Variants in MICB observed in about 807,000 individuals in gnomAD.
MICB encodes MHC class I polypeptide-related sequence B, also known as MHC class I antigen-related protein B.
MICB carries 27 observed loss-of-function variants against 34.3 expected under a neutral mutation model. The ratio of observed to expected loss-of-function variants is 0.79; its 90% CI spans 0.58 to 1.08. The LOEUF (loss-of-function observed/expected upper bound fraction) is 1.08. MICB is among the 50% of genes least tolerant of loss of function. The pLI is 0.00. For synonymous variants in MICB, 153 were observed against 187.4 expected (o/e 0.82, Z 1.50); for missense variants, 426 against 483.1 (o/e 0.88, Z 1.11).
At position 31,507,600 on chromosome 6, in the gene MICB, C is replaced by A; in HGVS notation, c.1024+69C>A. On this transcript the variant is annotated intron_variant, in intron 5 of 5. Transcript: ENST00000252229. The surrounding 1 kb of genome is among the most constrained non-coding windows in gnomAD (Gnocchi z 6.0). ...TAGGCAGTAGGGTCTCCTCATTGCTCCTGCCCAGACAAGACGTAGGTGACA... is the reference window on the plus strand; with the variant it reads ...TAGGCAGTAGGGTCTCCTCATTGCTACTGCCCAGACAAGACGTAGGTGACA... 6.3e-7 allele frequency: 1 copy of A among 1,583,354 alleles called. No homozygotes were observed. Among genetic ancestry groups the A allele is most frequent in the Non-Finnish European group, 8.6e-7 (1 of 1,156,662 alleles).
At chr6:31,506,471 T>G (rs1222144584) in intron 3 of MICB, 41 bp downstream of exon 3, 1 of 1,592,314 alleles carries the variant, frequency 6.3e-7, no homozygotes, top group East Asian at 2.2e-5. Context: ...CCCGCAATTC[T>G]GCTAGAGTTG....
chr6:31,500,470 CT>C (rs1764960721), intron 1 of MICB, among the ~76,000 whole-genome samples: 1 of 152,146 alleles, frequency 6.6e-6, no homozygotes, highest in Non-Finnish European at 1.5e-5. Flanking sequence ...CCATTATGCT[CT>C]TTCAGTTATT....
intron 1 of MICB, among the ~76,000 whole-genome samples, chr6:31,501,740 G>T (rs1765028114): frequency 6.6e-6 from 1 of 152,134 alleles, no homozygotes; most frequent in African/African-American, 2.4e-5. Flanking sequence ...TAACTTCACT[G>T]TAGATATATG....
chr6:31,497,804 G>A (rs1401369376), upstream of MICB, among the ~76,000 whole-genome samples: 1 of 152,170 alleles, frequency 6.6e-6, no homozygotes, highest in Admixed American at 6.5e-5. Context: ...GGTGAAGCCC[G>A]CGCTCCTTGG....
chr6:31,498,230 G>A lies in MICB; in HGVS notation c.37G>A (p.Ala13Thr). ...CCGGGTCCTGCTGTTTCTGGCCGTC[G>A]CCTTCCCTTTTGCACCCCCGGCAGC... is the stretch of plus-strand genomic sequence containing the variant. ...LGRVLLFLAV[A>T]FPFAPPAAAA... The change falls in exon 1 of 6, where the codon GCC (alanine) becomes ACC (threonine). Residue 13 changes from alanine to threonine, a missense_variant. Coordinates refer to ENST00000252229, the MANE Select transcript of MICB (RefSeq NM_005931.5). 1 of 1,583,866 alleles carries A rather than the reference G, an allele frequency of 6.3e-7. No individual in the cohort carries two copies. Among genetic ancestry groups the A allele is most frequent in the Admixed American group, 1.7e-5 (1 of 58,744 alleles).
chr6:31,497,950 C>T, upstream of MICB: 2 of 313,788 alleles, frequency 6.4e-6, no homozygotes, highest in Non-Finnish European at 1.2e-5. Context: ...GCACGCTCCC[C>T]CTTTTCTGGC....
At chr6:31,505,085 A>T (rs3131640) in intron 1 of MICB, among the ~76,000 whole-genome samples, 104,457 of 149,342 alleles carry the variant, frequency 0.7, 36,517 homozygotes, top group African/African-American at 0.79. Flanking sequence ...TATAAACTTC[A>T]CTGGGGCTAC....
In MICB at chr6:31,506,160, G is replaced by A. The variant is rs772960164; in HGVS notation, c.343G>A (p.Glu115Lys). Residue 115 changes from glutamate (E) to lysine (K), a missense_variant, in exon 3 of 6, where the codon GAG (glutamate) becomes AAG (lysine). Physicochemically the swap from Glu to Lys is moderately conservative, Grantham distance 56 (BLOSUM62 1). Transcript: ENST00000252229. The part of the protein sequence containing the change: ...DQKGGLHSLQ[E>K]IRVCEIHEDS... ...GGGGGCAGGCTTGCATTCCCTCCAG[G>A]AGATTAGGGTCTGTGAGATCCATGA... 1 of 1,613,668 alleles carries A rather than the reference G, an allele frequency of 6.2e-7. No individual in the cohort carries two copies. Among genetic ancestry groups the A allele is most frequent in the African/African-American group, 1.3e-5 (1 of 74,882 alleles).
chr6:31,504,818 T>C (rs1350607948), intron 1 of MICB, among the ~76,000 whole-genome samples: 2 of 152,198 alleles, frequency 1.3e-5, no homozygotes, highest in African/African-American at 4.8e-5. Flanking sequence ...GAGTTTAGAG[T>C]TTAGGTCTTT....
Position 31,509,888 on chromosome 6 carries a change from T to A in MICB, c.1131T>A (p.Thr377=). 6.2e-7 allele frequency: 1 copy of A among 1,612,706 alleles called. No individual in the cohort carries two copies. The highest frequency in any genetic ancestry group is 8.5e-7 in the Non-Finnish European group (1 of 1,179,136). ...CTCTGATGTCAGCTACTGGGTCCAC[T>A]GGTTCCACTGAGGGCACCTAGACTC... ...FQPLMSATGS[T]GSTEGT is the part of the protein sequence containing the mutation. The change falls in exon 6 of 6, where the codon ACT becomes ACA. Residue 377 remains threonine, a synonymous_variant. Coordinates refer to ENST00000252229, the MANE Select transcript of MICB (RefSeq NM_005931.5).
At position 31,507,597 on chromosome 6, in the gene MICB, G is replaced by T. The variant is rs568721471; in HGVS notation, c.1024+66G>T. On this transcript the variant is annotated intron_variant, in intron 5 of 5. Coordinates refer to ENST00000252229, the MANE Select transcript of MICB (RefSeq NM_005931.5). This position sits in a 1 kb window ranked among gnomAD's most constrained non-coding sequence, Gnocchi z 6.0. The stretch of plus-strand genomic sequence containing the variant: ...TTCTAGGCAGTAGGGTCTCCTCATT[G>T]CTCCTGCCCAGACAAGACGTAGGTG... 2.3e-4 allele frequency: 372 copies of T among 1,590,732 alleles called. 6 individuals carry two copies. In the South Asian group the frequency reaches 3.9e-3, roughly 17 times the overall value.
chr6:31,509,422 G>T (rs1002955646), intron 5 of MICB, among the ~76,000 whole-genome samples: 2 of 152,216 alleles, frequency 1.3e-5, no homozygotes, highest in Non-Finnish European at 2.9e-5. Flanking sequence ...AAGGGCCTGG[G>T]GACTGAGAGC....
chr6:31,496,374 T>C (rs1461973877), upstream of MICB, among the ~76,000 whole-genome samples: 1 of 147,676 alleles, frequency 6.8e-6, no homozygotes, highest in East Asian at 2.0e-4. Context: ...TTCTTTTTTT[T>C]TTTTTTTTTT....
chr6:31,504,551 G>C (rs933606761), intron 1 of MICB, among the ~76,000 whole-genome samples: 13 of 139,974 alleles, frequency 9.3e-5, no homozygotes, highest in Non-Finnish European at 1.6e-4. Flanking sequence ...GAGCCACCAC[G>C]CCTGGCCTTC....
intron 1 of MICB, 104 bp from the exon 2 acceptor site, chr6:31,505,513 T>C: frequency 3.3e-6 from 5 of 1,518,570 alleles, no homozygotes; most frequent in South Asian, 2.5e-5. Flanking sequence ...CCCATGCGCA[T>C]TTCCTGCCTC....
rs894544482 is a variant in MICB, at chr6:31,507,874, T to C, written c.1024+343T>C. Among the ~76,000 whole-genome samples, 1 of 152,014 alleles carries C rather than the reference T, an allele frequency of 6.6e-6. No individual in the cohort carries two copies. Among genetic ancestry groups the C allele is most frequent in the Admixed American group, 6.6e-5 (1 of 15,266 alleles). The stretch of plus-strand genomic sequence containing the variant: ...GCGTCCAGGTGGGGTGAGTTGGGAA[T>C]CACGTGCTGATTGCTGAGGGCCTGG... On this transcript the variant is annotated intron_variant, in intron 5 of 5. Transcript: ENST00000252229. This position sits in a 1 kb window ranked among gnomAD's most constrained non-coding sequence, Gnocchi z 6.0.
chr6:31,504,613 A>G (rs1339143634), intron 1 of MICB, among the ~76,000 whole-genome samples: 1 of 148,604 alleles, frequency 6.7e-6, no homozygotes, highest in Non-Finnish European at 1.5e-5. Flanking sequence ...ATTTCATTTC[A>G]GGGGTTGATT....
rs751836239 is a variant in MICB, at chr6:31,509,870, G to A, written c.1113G>A (p.Met371Ile). Residue 371 changes from methionine (M) to isoleucine (I), a missense_variant, in exon 6 of 6, where the codon ATG becomes ATA. Physicochemically the swap from Met to Ile is conservative, Grantham distance 10. Coordinates refer to ENST00000252229, the MANE Select transcript of MICB (RefSeq NM_005931.5). ...CACAGCTGGGATTTCAGCCTCTGATGTCAGCTACTGGGTCCACTGGTTCCA... is the reference window on the plus strand; with the variant it reads ...CACAGCTGGGATTTCAGCCTCTGATATCAGCTACTGGGTCCACTGGTTCCA... The part of the protein sequence containing the change: ...DAAQLGFQPL[M>I]SATGSTGSTE... The A allele has an allele frequency of 1.1e-5, 17 of 1,613,586 alleles. No homozygotes were observed. The highest frequency in any genetic ancestry group is 1.4e-5 in the Non-Finnish European group (17 of 1,179,760).
chr6:31,508,119 GC>G (rs1366723219), intron 5 of MICB, among the ~76,000 whole-genome samples: 1 of 152,172 alleles, frequency 6.6e-6, no homozygotes, highest in Non-Finnish European at 1.5e-5. Flanking sequence ...GCGGGGCCCA[GC>G]CCCTCATCAG....
Sources: gnomAD v4.1 joint callset for allele counts (sites outside exome capture counted in the v4.1 genomes callset) on GRCh38, gnomAD v4.1.1 for gene constraint, Gnocchi (gnomAD v3.1) non-coding constraint, MANE v1.5 for transcripts, NCBI Gene and HGNC (gene_info 2026-07-23, HGNC 2026-07-21) for gene names.